The following ADAMTS7 variants were observed in gnomAD, a reference collection of about 807,000 sequenced individuals.
ADAMTS7 encodes the protein A disintegrin and metalloproteinase with thrombospondin motifs 7.
ADAMTS7 carries 89 observed loss-of-function variants against 172.6 expected under a neutral mutation model. That is an observed-to-expected ratio of 0.52 (90% confidence interval 0.43 to 0.61). The LOEUF is 0.61. Ranked by LOEUF, ADAMTS7 falls within the 20% of genes least tolerant of loss-of-function variation. ADAMTS7 has a pLI of 0.00. For synonymous variants in ADAMTS7, 885 were observed against 978.4 expected (o/e 0.90, Z 1.78); for missense variants, 1,973 against 2,355.6 (o/e 0.84, Z 3.36).
At chr15:78,797,644 C>T (rs1240055005) in intron 3 of ADAMTS7, among the ~76,000 whole-genome samples, 1 of 152,214 alleles carries the variant, frequency 6.6e-6, no homozygotes, top group East Asian at 1.9e-4. Context: ...CTGGCAGAGC[C>T]AGGTACCATA....
chr15:78,760,997 C>A (rs995997996), intron 23 of ADAMTS7, among the ~76,000 whole-genome samples: 4 of 152,180 alleles, frequency 2.6e-5, no homozygotes, highest in African/African-American at 9.7e-5. Context: ...ACCCCGCTCC[C>A]TGTGGCCAGC....
At chr15:78,810,956 GACCCCGACTACTGTCCCCTAAT>G (rs1416531251) in intron 1 of ADAMTS7, 143 bp downstream of exon 1, 21 of 761,018 alleles carry the variant, frequency 2.8e-5, no homozygotes, top group Non-Finnish European at 3.7e-5. Flanking sequence ...GGCCCGGCCC[GACCCCGACTACTGTCCCCTAAT>G]ACCCAGGGAG....
chr15:78,801,612 T>G (rs970463131), intron 1 of ADAMTS7, among the ~76,000 whole-genome samples: 2 of 152,172 alleles, frequency 1.3e-5, no homozygotes, highest in African/African-American at 4.8e-5. Context: ...TCATTATTTT[T>G]TCTATTTATT....
intron 2 of ADAMTS7, among the ~76,000 whole-genome samples, chr15:78,799,714 G>A (rs1050766619): frequency 3.2e-4 from 49 of 152,240 alleles, no homozygotes; most frequent in Middle Eastern, 6.8e-3. Context: ...TATTACCTGA[G>A]ATGTTTTCAG....
chr15:78,775,619 C>T (rs1289920532), intron 11 of ADAMTS7, among the ~76,000 whole-genome samples: 1 of 152,092 alleles, frequency 6.6e-6, no homozygotes, highest in African/African-American at 2.4e-5. Flanking sequence ...GTCAGGCCAC[C>T]CCTTCAGTGC....
intron 19 of ADAMTS7, 126 bp from the exon 20 acceptor site, chr15:78,764,833 T>G (rs1374324682): frequency 1.7e-5 from 19 of 1,095,302 alleles, no homozygotes; most frequent in Non-Finnish European, 2.3e-5. Flanking sequence ...GGCCTCAGTT[T>G]CCTTATTTGC....
At position 78,789,762 on chromosome 15, in the gene ADAMTS7, G is replaced by A. The variant is rs756165536; in HGVS notation, c.1105C>T (p.His369Tyr). ...LSHVAGMCQP[H>Y]RSCSINEDTG... Reference sequence around the variant, plus strand: ...TCCTCGTTGATGCTGCAGCTGCGGTGCGGCTGGCACATGCCCGCCACATGG... The same window carrying A: ...TCCTCGTTGATGCTGCAGCTGCGGTACGGCTGGCACATGCCCGCCACATGG... The change falls in exon 7 of 24, where the codon CAC becomes TAC. Residue 369 changes from histidine (H) to tyrosine (Y), a missense_variant. By Grantham distance (83) the His-to-Tyr change is moderately conservative (BLOSUM62 2). This residue lies in a region of ADAMTS7 where 526 missense variants were observed against 662.9 expected (regional missense o/e 0.79). Transcript: ENST00000388820. The A allele has an allele frequency of 1.2e-6, 2 of 1,610,508 alleles. No homozygotes were observed. The highest frequency in any genetic ancestry group is 8.5e-7 in the Non-Finnish European group (1 of 1,178,854).
Position 78,811,143 on chromosome 15 carries a change from G to A in ADAMTS7, c.78C>T (p.Pro26=). ...PLLLLLCALA[P]GAPGPAPGRA... is the part of the protein sequence containing the mutation. ...CACCTGGTGCGGGTCCGGGGGCGCCGGGAGCCAGAGCGCAGAGGAGCAGGA... is the reference window on the plus strand; with the variant it reads ...CACCTGGTGCGGGTCCGGGGGCGCCAGGAGCCAGAGCGCAGAGGAGCAGGA... Residue 26 remains proline (P), a synonymous_variant, in exon 1 of 24, where the codon CCC becomes CCT. Coordinates refer to ENST00000388820, the MANE Select transcript of ADAMTS7 (RefSeq NM_014272.5). 2 of 1,230,218 alleles carry A rather than the reference G, an allele frequency of 1.6e-6. No homozygotes were observed. Among genetic ancestry groups the A allele is most frequent in the African/African-American group, 1.6e-5 (1 of 64,462 alleles). 76.2% of individuals were successfully genotyped at this position (1,230,218 alleles called of 1,614,324 possible).
rs753226757 is a variant in ADAMTS7 at position 78,763,652 on chromosome 15, G to A, written c.4740+47C>T. The A allele has an allele frequency of 6.7e-6, 10 of 1,501,550 alleles. No homozygotes were observed. In the African/African-American group the frequency reaches 1.1e-4, roughly 17 times the overall value. 93.0% of individuals were successfully genotyped at this position (1,501,550 alleles called of 1,614,324 possible). The stretch of plus-strand genomic sequence containing the variant: ...CTTCACCCAACCCAAGACTGACCAG[G>A]CGCCACCAAGCACTTGCTCCCTGCT... On this transcript the variant is annotated intron_variant, in intron 22 of 23. Transcript: ENST00000388820.
rs1386446900 is a variant in ADAMTS7, at chr15:78,774,304, A to G, written c.1877-4T>C. 11 of 1,567,232 alleles carry G rather than the reference A, an allele frequency of 7.0e-6. 1 individual carries two copies. Among genetic ancestry groups the G allele is most frequent in the Admixed American group, 1.8e-5 (1 of 54,452 alleles). ...CAGTGCAGCTCGCAGGGGTTCACTG[A>G]GGGCCCAAGTAGAAGAGTCATCAGC... On this transcript the variant is annotated splice_region_variant and splice_polypyrimidine_tract_variant and intron_variant, in intron 12 of 23. Coordinates refer to ENST00000388820, the MANE Select transcript of ADAMTS7 (RefSeq NM_014272.5).
intron 8 of ADAMTS7, among the ~76,000 whole-genome samples, chr15:78,786,991 A>G (rs1204946569): frequency 6.6e-6 from 1 of 152,158 alleles, no homozygotes; most frequent in African/African-American, 2.4e-5. Flanking sequence ...TGAGCAGTGA[A>G]CATATTTTCT....
chr15:78,775,145 G>C (rs1387755034), intron 11 of ADAMTS7, among the ~76,000 whole-genome samples: 1 of 152,208 alleles, frequency 6.6e-6, no homozygotes, highest in Non-Finnish European at 1.5e-5. Flanking sequence ...CAAGCTGCAG[G>C]CATGACTAGC....
intron 2 of ADAMTS7, 73 bp from the exon 3 acceptor site, chr15:78,798,186 C>G: frequency 1.4e-6 from 2 of 1,427,786 alleles, no homozygotes; most frequent in South Asian, 2.9e-5. Context: ...CCCAGAGGCC[C>G]GTCCTGCTCA....
chr15:78,764,601 C>T lies in ADAMTS7; in HGVS notation c.4373G>A (p.Cys1458Tyr). 1.3e-6 allele frequency: 2 copies of T among 1,555,312 alleles called. No homozygotes were observed. The highest frequency in any genetic ancestry group is 1.7e-6 in the Non-Finnish European group (2 of 1,158,060). Reference protein sequence around the residue: ...PAGRPQPARRCHLRPCATWHS... With the variant: ...PAGRPQPARRYHLRPCATWHS... Reference sequence around the variant, plus strand: ...CCAGGTGGCACAGGGCCGCAGGTGGCAGCGGCGGGCAGGCTGGGGCCGGCC... The same window carrying T: ...CCAGGTGGCACAGGGCCGCAGGTGGTAGCGGCGGGCAGGCTGGGGCCGGCC... The change falls in exon 20 of 24, where the codon TGC (cysteine) becomes TAC (tyrosine). Residue 1458 changes from cysteine to tyrosine, a missense_variant. By Grantham distance (194) the Cys-to-Tyr change is radical (BLOSUM62 -2). Transcript: ENST00000388820.
chr15:78,790,941 C>A, intron 5 of ADAMTS7, 147 bp from the exon 6 acceptor site: 3 of 1,356,456 alleles, frequency 2.2e-6, no homozygotes, highest in Middle Eastern at 2.7e-4. Context: ...GCCTGACCAT[C>A]CCTCCTGTAG....
rs181956395 is a variant in ADAMTS7, at chr15:78,792,141, G to C, written c.820-918C>G. Among the ~76,000 whole-genome samples, 80 of 152,258 alleles carry C rather than the reference G, an allele frequency of 5.3e-4. 2 individuals carry two copies. The highest frequency in any genetic ancestry group is 3.3e-3 in the Admixed American group (50 of 15,296). ...AGGGCACCAAAGTCCCTGATTATGG[G>C]GATGAATGACACTCTCAGAACCCAA... On this transcript the variant is annotated intron_variant, in intron 4 of 23. Transcript: ENST00000388820.
intron 13 of ADAMTS7, 118 bp downstream of exon 13, chr15:78,774,049 A>C: frequency 6.8e-7 from 1 of 1,475,686 alleles, no homozygotes; most frequent in Non-Finnish European, 9.1e-7. Context: ...CCCAGGAGAG[A>C]ACCTGGGGCC....
At chr15:78,770,877 G>T in intron 16 of ADAMTS7, 1 of 468,184 alleles carries the variant, frequency 2.1e-6, no homozygotes, top group Non-Finnish European at 3.9e-6. Context: ...CCACTGGACT[G>T]GTCTATCGAG....
intron 8 of ADAMTS7, among the ~76,000 whole-genome samples, chr15:78,780,968 A>AG: frequency 6.6e-6 from 1 of 152,132 alleles, no homozygotes; most frequent in East Asian, 1.9e-4. Flanking sequence ...AGGCACCTGG[A>AG]GGTCTGTCTC....
Sources: gnomAD v4.1 joint callset for allele counts (sites outside exome capture counted in the v4.1 genomes callset) on GRCh38, gnomAD v4.1.1 for gene constraint, gnomAD v4.1.1 regional missense constraint, MANE v1.5 for transcripts, NCBI Gene and HGNC (gene_info 2026-07-23, HGNC 2026-07-21) for gene names.